BBS9: variants seen among roughly 807,000 people sequenced by gnomAD.
BBS9 encodes the protein protein PTHB1.
In BBS9, 89 loss-of-function variants were observed where a neutral mutation model predicts 117.7. That is an observed-to-expected ratio of 0.76 (90% CI 0.64 to 0.90). The LOEUF (loss-of-function observed/expected upper bound fraction) is 0.90, where lower values mean the gene tolerates loss of function less well. Ranked by LOEUF, BBS9 falls within the 40% of genes least tolerant of loss-of-function variation. The pLI, the probability that BBS9 is intolerant of heterozygous loss-of-function variation, is 0.00. For missense variants in BBS9, 982 were observed against 1,042.2 expected (o/e 0.94, Z 0.80); for synonymous variants, 379 against 370.9 (o/e 1.02, Z -0.25).
At chr7:33,500,704 A>G (rs1430162200) in intron 19 of BBS9, among the ~76,000 whole-genome samples, 1 of 152,234 alleles carries the variant, frequency 6.6e-6, no homozygotes, top group East Asian at 1.9e-4. Flanking sequence ...GTTTAGGTGA[A>G]GAAATTGGAC....
Position 33,243,216 on chromosome 7 carries a change from C to G in BBS9, c.443-14020C>G, listed in dbSNP as rs141508272. ...CTTAAAACCTGTCTCAATTCTTTAG[C>G]CTTCCTTGTTTAATTTCCTCCTTGT... is the stretch of plus-strand genomic sequence containing the variant. On this transcript the variant is annotated intron_variant, in intron 5 of 22. Coordinates refer to ENST00000242067, the MANE Select transcript of BBS9 (RefSeq NM_198428.3). 2.0e-3 allele frequency among the ~76,000 whole-genome samples: 307 copies of G among 152,306 alleles called. 1 individual carries two copies. The highest frequency in any genetic ancestry group is 7.0e-3 in the African/African-American group (292 of 41,574).
At chr7:33,268,639 A>T (rs182333683) in intron 7 of BBS9, among the ~76,000 whole-genome samples, 1 of 152,186 alleles carries the variant, frequency 6.6e-6, no homozygotes, top group African/African-American at 2.4e-5. Flanking sequence ...GAAGTGGAAG[A>T]ATTTTTTTTT....
intron 19 of BBS9, among the ~76,000 whole-genome samples, chr7:33,427,165 A>T (rs1304072669): frequency 1.3e-5 from 2 of 152,184 alleles, no homozygotes; most frequent in Non-Finnish European, 2.9e-5. Context: ...AACTGGCACA[A>T]ATGCTGATGT....
intron 5 of BBS9, among the ~76,000 whole-genome samples, chr7:33,227,900 A>G (rs1332865068): frequency 6.6e-6 from 1 of 152,090 alleles, no homozygotes; most frequent in East Asian, 1.9e-4. Flanking sequence ...GCAATTGTGA[A>G]TTGCATTGCT....
chr7:33,216,567 G>A lies in BBS9; in HGVS notation c.442+38976G>A, dbSNP rs532140338. On this transcript the variant is annotated intron_variant, in intron 5 of 22. Transcript: ENST00000242067. The stretch of plus-strand genomic sequence containing the variant: ...TTTTAAAAAAAGAAATCTACGGGAA[G>A]TATAAAGGCAATCAGGTAATAAACT... 1.2e-4 allele frequency among the ~76,000 whole-genome samples: 19 copies of A among 152,292 alleles called. No homozygotes were observed. In the East Asian group the frequency reaches 3.3e-3, roughly 26 times the overall value.
At chr7:33,173,503 C>T (rs1377967445) in intron 4 of BBS9, among the ~76,000 whole-genome samples, 3 of 150,134 alleles carry the variant, frequency 2.0e-5, no homozygotes, top group Non-Finnish European at 4.4e-5. Context: ...ACCTGGGAGG[C>T]GGAGCTTGCA....
chr7:33,193,424 T>G (rs866194168), intron 5 of BBS9, among the ~76,000 whole-genome samples: 35,427 of 136,678 alleles, frequency 0.26, 5,416 homozygotes, highest in East Asian at 0.47. Flanking sequence ...CTCTCTGCCT[T>G]TTTTTTTTTT....
intron 21 of BBS9, among the ~76,000 whole-genome samples, chr7:33,611,918 A>C (rs1864899455): frequency 6.7e-6 from 1 of 149,446 alleles, no homozygotes; most frequent in East Asian, 2.0e-4. Flanking sequence ...AATATTAAGA[A>C]GTTAACATTT....
At chr7:33,540,933 G>T (rs1194425115) in intron 21 of BBS9, among the ~76,000 whole-genome samples, 1 of 152,084 alleles carries the variant, frequency 6.6e-6, no homozygotes. Flanking sequence ...TTCGCACTTT[G>T]CTTATAATCC....
At chr7:33,357,739 TAGGC>T (rs747238350) in intron 15 of BBS9, 112 bp from the exon 16 acceptor site, 4 of 1,048,266 alleles carry the variant, frequency 3.8e-6, no homozygotes, top group Non-Finnish European at 5.9e-6. Context: ...TTAAGCAAAA[TAGGC>T]AGGCAACAAG....
At chr7:33,407,953 T>C (rs568383013) in intron 19 of BBS9, among the ~76,000 whole-genome samples, 1 of 152,342 alleles carries the variant, frequency 6.6e-6, no homozygotes, top group South Asian at 2.1e-4. Flanking sequence ...GGAGAACCAC[T>C]GCTCTCCTCA....
chr7:33,520,594 A>G (rs957772008), intron 20 of BBS9, among the ~76,000 whole-genome samples: 16 of 152,194 alleles, frequency 1.1e-4, no homozygotes, highest in Admixed American at 1.0e-3. Flanking sequence ...AAATTTTCTC[A>G]GAGACATAAA....
At position 33,560,809 on chromosome 7, in the gene BBS9, G is replaced by A. The variant is rs189677136; in HGVS notation, c.2521+26633G>A. On this transcript the variant is annotated intron_variant, in intron 21 of 22. Transcript: ENST00000242067. ...AATTATGTGTTCCATTATCTCACCA[G>A]CCTTCTCATCAGGAAGGTTTTTTCC... 2.6e-5 allele frequency among the ~76,000 whole-genome samples: 4 copies of A among 152,240 alleles called. No individual in the cohort carries two copies. The East Asian group carries it at 7.7e-4, about 29-fold the overall frequency.
intron 9 of BBS9, among the ~76,000 whole-genome samples, chr7:33,293,629 T>C (rs1029305277): frequency 1.1e-4 from 16 of 152,154 alleles, no homozygotes; most frequent in African/African-American, 2.9e-4. Context: ...AAGTGCAGTA[T>C]GCTATTATTT....
chr7:33,547,221 G>A (rs1377826107), intron 21 of BBS9, among the ~76,000 whole-genome samples: 2 of 152,120 alleles, frequency 1.3e-5, no homozygotes, highest in African/African-American at 2.4e-5. Flanking sequence ...ATCAAAGATA[G>A]CAGAAGGTCA....
At chr7:33,536,362 G>C (rs1851369046) in intron 21 of BBS9, among the ~76,000 whole-genome samples, 1 of 151,612 alleles carries the variant, frequency 6.6e-6, no homozygotes, top group Admixed American at 6.6e-5. Context: ...ATCAGCACTT[G>C]TTGTCATTAA....
At chr7:33,153,521 C>T (rs1280367113) in intron 3 of BBS9, among the ~76,000 whole-genome samples, 1 of 152,222 alleles carries the variant, frequency 6.6e-6, no homozygotes, top group Non-Finnish European at 1.5e-5. Context: ...TATCAAGTAG[C>T]CAGAGTCAGT....
intron 15 of BBS9, among the ~76,000 whole-genome samples, chr7:33,354,351 T>G (rs1819246200): frequency 6.6e-6 from 1 of 152,148 alleles, no homozygotes. Flanking sequence ...GTTCTGCTTT[T>G]ATATGTGGAA....
chr7:33,367,970 T>C, intron 17 of BBS9, 108 bp downstream of exon 17: 1 of 884,790 alleles, frequency 1.1e-6, no homozygotes, highest in Non-Finnish European at 1.9e-6. Flanking sequence ...TTCATTTAGA[T>C]TTCAGTAACT....
Sources: gnomAD v4.1 joint callset for allele counts (sites outside exome capture counted in the v4.1 genomes callset) on GRCh38, gnomAD v4.1.1 for gene constraint, MANE v1.5 for transcripts, NCBI Gene and HGNC (gene_info 2026-07-23, HGNC 2026-07-21) for gene names.